The following PUM2 variants were observed in gnomAD, a reference collection of about 807,000 sequenced individuals.
PUM2 encodes the protein pumilio homolog 2.
Under a neutral mutation model 124.5 loss-of-function variants are expected in PUM2, and 57 were observed. The observed-to-expected ratio is 0.46, with a 90% CI of 0.37 to 0.57. The LOEUF (loss-of-function observed/expected upper bound fraction) is 0.57. Among genes scored for constraint, PUM2 ranks in the 20% least tolerant of loss-of-function variants. The pLI is 0.00. For synonymous variants in PUM2, 460 were observed against 446.1 expected (o/e 1.03, Z -0.39); for missense variants, 1,065 against 1,290.6 (o/e 0.83, Z 2.68).
At chr2:20,326,348 T>C in intron 2 of PUM2, 3 of 1,304,260 alleles carry the variant, frequency 2.3e-6, no homozygotes, top group East Asian at 5.6e-5. Flanking sequence ...GGGTGCCCTC[T>C]TGTGGCCCAA....
chr2:20,260,555 T>A (rs772789849), intron 14 of PUM2, 89 bp from the exon 15 acceptor site: 5 of 1,161,956 alleles, frequency 4.3e-6, no homozygotes, highest in Non-Finnish European at 6.0e-6. Flanking sequence ...GCACTGCAAG[T>A]TATTTCCATA....
chr2:20,263,087 A>T, intron 14 of PUM2, 106 bp downstream of exon 14: 1 of 1,128,830 alleles, frequency 8.9e-7, no homozygotes, highest in Non-Finnish European at 1.2e-6. Flanking sequence ...TTTAGCTCTT[A>T]AAAGCTTCCA....
rs191177511 is a variant in PUM2 at position 20,301,244 on chromosome 2, C to T, written c.884-3566G>A. Among the ~76,000 whole-genome samples, 620 of 152,338 alleles carry T rather than the reference C, an allele frequency of 4.1e-3. 2 individuals carry two copies. The highest frequency in any genetic ancestry group is 5.0e-3 in the Non-Finnish European group (338 of 68,038). ...AATAAACTTTCTAAACTGCTTGAGA[C>T]CTGTCTCGGTTATCTTTTGGTTTGC... On this transcript the variant is annotated intron_variant, in intron 7 of 20. Transcript: ENST00000361078.
chr2:20,256,119 G>C lies in PUM2; in HGVS notation c.2536C>G (p.Gln846Glu). 1 of 1,601,304 alleles carries C rather than the reference G, an allele frequency of 6.2e-7. No homozygotes were observed. The highest frequency in any genetic ancestry group is 8.5e-7 in the Non-Finnish European group (1 of 1,175,594). ...TTTTGTACAACATGGTTTCCATTCTGATCTTTCACACATTTGAGCACATGA... is the reference window on the plus strand; with the variant it reads ...TTTTGTACAACATGGTTTCCATTCTCATCTTTCACACATTTGAGCACATGA... Reference protein sequence around the residue: ...DGHVLKCVKDQNGNHVVQKCI... With the variant: ...DGHVLKCVKDENGNHVVQKCI... The change falls in exon 17 of 21, where the codon CAG becomes GAG. Residue 846 changes from glutamine to glutamate, a missense_variant. Gln to Glu is a conservative substitution (Grantham distance 29). Coordinates refer to ENST00000361078, the MANE Select transcript of PUM2 (RefSeq NM_015317.5).
intron 2 of PUM2, chr2:20,326,266 A>G: frequency 7.7e-7 from 1 of 1,303,724 alleles, no homozygotes; most frequent in South Asian, 1.2e-5. Context: ...CTCACCCTTA[A>G]ATCAGTCCTC....
intron 2 of PUM2, chr2:20,326,193 A>G (rs781474572): frequency 4.0e-5 from 48 of 1,192,762 alleles, no homozygotes; most frequent in Non-Finnish European, 5.2e-5. Context: ...AGGGTTGAGA[A>G]TTTTACCTTA....
intron 1 of PUM2, among the ~76,000 whole-genome samples, chr2:20,329,680 A>T (rs1558659637): frequency 6.6e-6 from 1 of 152,124 alleles, no homozygotes; most frequent in African/African-American, 2.4e-5. Flanking sequence ...GCTACTAGGT[A>T]AAACGGGTCT....
At chr2:20,306,050 A>C (rs1292078157) in intron 7 of PUM2, among the ~76,000 whole-genome samples, 1 of 152,022 alleles carries the variant, frequency 6.6e-6, no homozygotes, top group Non-Finnish European at 1.5e-5. Context: ...CTGTCTCTAC[A>C]AAAAATTTGC....
chr2:20,315,836 C>CAAAAAAAAAAAAAAAAA (rs60828412), intron 3 of PUM2, among the ~76,000 whole-genome samples: 1 of 72,352 alleles, frequency 1.4e-5, no homozygotes, highest in African/African-American at 5.7e-5. Context: ...AACCTGGTCT[C>CAAAAAAAAAAAAAAAAA]AAAAAAAAAA....
intron 1 of PUM2, among the ~76,000 whole-genome samples, chr2:20,339,416 CTTGT>C (rs1038208436): frequency 5.9e-5 from 9 of 152,038 alleles, no homozygotes; most frequent in African/African-American, 1.7e-4. Flanking sequence ...TCATTTTAGT[CTTGT>C]TTGTAAGTTT....
At chr2:20,272,733 C>G (rs528180875) in intron 13 of PUM2, among the ~76,000 whole-genome samples, 1 of 152,126 alleles carries the variant, frequency 6.6e-6, no homozygotes, top group South Asian at 2.1e-4. Context: ...AATCTTTAGA[C>G]CAACTAGAAG....
intron 13 of PUM2, among the ~76,000 whole-genome samples, chr2:20,269,094 C>T (rs1253465731): frequency 6.6e-6 from 1 of 152,118 alleles, no homozygotes; most frequent in African/African-American, 2.4e-5. Context: ...GTCAGTCATA[C>T]TCTGCTATGC....
chr2:20,255,530 CT>C (rs1664571928), intron 17 of PUM2, among the ~76,000 whole-genome samples, 189 bp from the exon 18 acceptor site: 1 of 151,706 alleles, frequency 6.6e-6, no homozygotes, highest in Non-Finnish European at 1.5e-5. Context: ...ACAGGGAGCA[CT>C]CCATTTAGGA....
intron 15 of PUM2, among the ~76,000 whole-genome samples, chr2:20,259,853 C>T (rs1325871247): frequency 6.6e-6 from 1 of 152,180 alleles, no homozygotes; most frequent in South Asian, 2.1e-4. Context: ...AACTGCCAAA[C>T]TGTTTTCCAT....
chr2:20,269,945 T>A (rs1326191861), intron 13 of PUM2, among the ~76,000 whole-genome samples: 1 of 152,162 alleles, frequency 6.6e-6, no homozygotes, highest in East Asian at 1.9e-4. Context: ...CATAACATAG[T>A]CTTCAGACTA....
At chr2:20,311,930 T>C (rs1405545164) in intron 4 of PUM2, among the ~76,000 whole-genome samples, 2 of 152,190 alleles carry the variant, frequency 1.3e-5, no homozygotes, top group Admixed American at 1.3e-4. Context: ...CTTTAATGCG[T>C]AGACGATTTT....
intron 7 of PUM2, among the ~76,000 whole-genome samples, chr2:20,301,006 A>G (rs897757955): frequency 1.3e-5 from 2 of 152,166 alleles, no homozygotes; most frequent in Admixed American, 6.5e-5. Flanking sequence ...GAATGCAATC[A>G]TTTGTCTCTT....
chr2:20,339,414 G>A (rs1489395089), intron 1 of PUM2, among the ~76,000 whole-genome samples: 1 of 151,826 alleles, frequency 6.6e-6, no homozygotes. Flanking sequence ...TTTCATTTTA[G>A]TCTTGTTTGT....
At chr2:20,339,610 T>C (rs1686832828) in intron 1 of PUM2, among the ~76,000 whole-genome samples, 1 of 152,204 alleles carries the variant, frequency 6.6e-6, no homozygotes, top group Non-Finnish European at 1.5e-5. Context: ...CCAGGCATGG[T>C]GGCTCATGCC....
Sources: allele counts gnomAD v4.1 joint callset (sites outside exome capture counted in the v4.1 genomes callset), GRCh38; gene constraint gnomAD v4.1.1; transcripts MANE v1.5; gene names NCBI Gene and HGNC (gene_info 2026-07-23, HGNC 2026-07-21).